The following CASD1 variants were observed in gnomAD, a reference collection of about 807,000 sequenced individuals.
CASD1 encodes CAS1 domain sialic acid O acetyltransferase 1, also known as N-acetylneuraminate (7)9-O-acetyltransferase.
In CASD1, 41 loss-of-function variants were observed where a neutral mutation model predicts 100.0. That is an observed-to-expected ratio of 0.41 (90% CI 0.32 to 0.53). CASD1 has a LOEUF of 0.53. Ranked by LOEUF, CASD1 falls within the 20% of genes least tolerant of loss-of-function variation. The pLI, the probability that CASD1 is intolerant of heterozygous loss-of-function variation, is 0.25. For missense variants in CASD1, 774 were observed against 948.7 expected (o/e 0.82, Z 2.42); for synonymous variants, 321 against 315.6 (o/e 1.02, Z -0.18).
chr7:94,585,854 C>T, the CASD1 span, among the ~76,000 whole-genome samples: 1 of 151,650 alleles, frequency 6.6e-6, no homozygotes, highest in Non-Finnish European at 1.5e-5. Context: ...AAAAAAATAT[C>T]ATGTGGGCTG....
chr7:94,533,677 A>C lies in CASD1; in HGVS notation c.505-2A>C. 8 of 1,589,208 alleles carry C rather than the reference A, an allele frequency of 5.0e-6. No individual in the cohort carries two copies. The highest frequency in any genetic ancestry group is 6.8e-6 in the Non-Finnish European group (8 of 1,169,104). On this transcript the variant is annotated splice_acceptor_variant, in intron 6 of 17. Coordinates refer to ENST00000297273, the MANE Select transcript of CASD1 (RefSeq NM_022900.5). LOFTEE classifies it high-confidence loss of function. Reference sequence around the variant, plus strand: ...TAATGCATAATTTGTACTTCTTTTTAGTGGTCCATCAAGATTCACAATGGT... The same window carrying C: ...TAATGCATAATTTGTACTTCTTTTTCGTGGTCCATCAAGATTCACAATGGT...
At chr7:94,609,712 A>G in the CASD1 span, among the ~76,000 whole-genome samples, 2 of 152,358 alleles carry the variant, frequency 1.3e-5, no homozygotes, top group African/African-American at 4.8e-5. Flanking sequence ...GGCAATATCA[A>G]ATGCTGGCAA....
chr7:94,536,843 T>C (rs1396793197), intron 8 of CASD1, among the ~76,000 whole-genome samples: 2 of 152,194 alleles, frequency 1.3e-5, no homozygotes, highest in African/African-American at 4.8e-5. Context: ...TCAAACCATG[T>C]TGAAGGTTCT....
intron 10 of CASD1, among the ~76,000 whole-genome samples, chr7:94,544,082 G>A (rs1795554005): frequency 2.0e-5 from 3 of 152,176 alleles, no homozygotes. Flanking sequence ...ACAAGTTAAT[G>A]TATAAAGTGC....
At chr7:94,516,130 G>T (rs937166391) in intron 1 of CASD1, among the ~76,000 whole-genome samples, 1 of 139,946 alleles carries the variant, frequency 7.1e-6, no homozygotes, top group African/African-American at 2.6e-5. Context: ...TTAGAGACAG[G>T]TTATTAAAAA....
the CASD1 span, chr7:94,603,259 C>T: frequency 6.3e-7 from 1 of 1,578,718 alleles, no homozygotes; most frequent in Admixed American, 1.7e-5. Flanking sequence ...TTATTTTTAA[C>T]TAAACTTGCA....
At chr7:94,546,682 T>G (rs903125911) in intron 12 of CASD1, among the ~76,000 whole-genome samples, 1 of 151,900 alleles carries the variant, frequency 6.6e-6, no homozygotes, top group East Asian at 1.9e-4. Context: ...CATTAGGGGG[T>G]TTAAGCTTTC....
intron 10 of CASD1, among the ~76,000 whole-genome samples, chr7:94,539,454 A>T (rs1795277964): frequency 6.6e-6 from 1 of 152,120 alleles, no homozygotes; most frequent in African/African-American, 2.4e-5. Context: ...GGATCACCTG[A>T]GGTCAGGAGT....
At chr7:94,522,601 C>G (rs1363290689) in intron 3 of CASD1, among the ~76,000 whole-genome samples, 1 of 152,042 alleles carries the variant, frequency 6.6e-6, no homozygotes, top group Non-Finnish European at 1.5e-5. Flanking sequence ...AGAAAATACA[C>G]TTTACAATCA....
rs574634428 is a variant in CASD1, at chr7:94,537,089, G to T, written c.844-383G>T. 2.0e-5 allele frequency among the ~76,000 whole-genome samples: 3 copies of T among 151,494 alleles called. No homozygotes were observed. The South Asian group carries it at 6.3e-4, about 32-fold the overall frequency. On this transcript the variant is annotated intron_variant, in intron 8 of 17. Transcript: ENST00000297273. ...TAAAATTCTTTGGTCCTTGATGTCT[G>T]TCAGCATTTTTTAACTAAAGGTCAC...
the CASD1 span, among the ~76,000 whole-genome samples, chr7:94,568,647 G>T: frequency 6.6e-6 from 1 of 152,166 alleles, no homozygotes; most frequent in African/African-American, 2.4e-5. Flanking sequence ...TGGGTGCTAT[G>T]GTCTGAATGT....
At chr7:94,578,460 A>G in the CASD1 span, among the ~76,000 whole-genome samples, 5 of 152,172 alleles carry the variant, frequency 3.3e-5, no homozygotes, top group Admixed American at 6.5e-5. Context: ...CCTGTAGTAT[A>G]TAAATAATTG....
chr7:94,537,434 T>A, intron 8 of CASD1, 38 bp from the exon 9 acceptor site: 1 of 1,542,774 alleles, frequency 6.5e-7, no homozygotes, highest in Non-Finnish European at 8.7e-7. Flanking sequence ...AATACATCAC[T>A]GACAAGATAA....
intron 13 of CASD1, among the ~76,000 whole-genome samples, chr7:94,548,670 A>T (rs1398897762): frequency 6.6e-6 from 1 of 151,816 alleles, no homozygotes; most frequent in African/African-American, 2.4e-5. Context: ...CTAAAATATA[A>T]TATTATTTTC....
the CASD1 span, among the ~76,000 whole-genome samples, chr7:94,564,663 C>A: frequency 2.0e-3 from 308 of 152,276 alleles, 1 homozygote; most frequent in African/African-American, 7.2e-3. Flanking sequence ...AGTGAACCTA[C>A]TTTGGCCAGA....
At chr7:94,606,256 C>T in the CASD1 span, among the ~76,000 whole-genome samples, 1 of 152,128 alleles carries the variant, frequency 6.6e-6, no homozygotes, top group Non-Finnish European at 1.5e-5. Context: ...TAGGAAGACA[C>T]ATATACATTA....
chr7:94,527,914 C>T (rs1562937304), intron 4 of CASD1, among the ~76,000 whole-genome samples: 1 of 152,118 alleles, frequency 6.6e-6, no homozygotes, highest in Non-Finnish European at 1.5e-5. Flanking sequence ...TAGAAAGTCT[C>T]TGAATACTTA....
the CASD1 span, among the ~76,000 whole-genome samples, chr7:94,578,935 A>G: frequency 3.9e-5 from 6 of 152,190 alleles, no homozygotes; most frequent in African/African-American, 1.4e-4. Context: ...TATTCTGATC[A>G]TTTAATCCAG....
At position 94,511,319 on chromosome 7, in the gene CASD1, A is replaced by C. The variant is rs1020812776; in HGVS notation, c.133+1102A>C. Reference sequence around the variant, plus strand: ...ACCTACTTTGGCAAAATATCCATAAACGGGTTGTTGGAGTCTGCGCTGTAT... The same window carrying C: ...ACCTACTTTGGCAAAATATCCATAACCGGGTTGTTGGAGTCTGCGCTGTAT... On this transcript the variant is annotated intron_variant, in intron 1 of 17. Transcript: ENST00000297273. 2.0e-5 allele frequency among the ~76,000 whole-genome samples: 3 copies of C among 152,316 alleles called. No individual in the cohort carries two copies. The East Asian group carries it at 5.8e-4, about 29-fold the overall frequency.
Sources: gnomAD v4.1 joint callset for allele counts (sites outside exome capture counted in the v4.1 genomes callset) on GRCh38, gnomAD v4.1.1 for gene constraint, MANE v1.5 for transcripts, NCBI Gene and HGNC (gene_info 2026-07-23, HGNC 2026-07-21) for gene names.